The following TBL2 variants were observed in gnomAD, a reference collection of about 807,000 sequenced individuals.
TBL2 encodes transducin beta-like protein 2.
TBL2 carries 33 observed loss-of-function variants against 41.8 expected under a neutral mutation model. The observed-to-expected ratio is 0.79, with a 90% CI of 0.60 to 1.06. The LOEUF is 1.06. Among genes scored for constraint, TBL2 ranks in the 50% least tolerant of loss-of-function variants. TBL2 has a pLI of 0.00. For missense variants in TBL2, 522 were observed against 603.8 expected (o/e 0.86, Z 1.42); for synonymous variants, 239 against 241.7 (o/e 0.99, Z 0.10).
Position 73,567,573 on chromosome 7 carries a change from T to G in TBL2, c.*2934A>C, listed in dbSNP as rs998609290. Among the ~76,000 whole-genome samples the G allele has an allele frequency of 1.8e-4, 27 of 152,090 alleles. No homozygotes were observed. Among genetic ancestry groups the G allele is most frequent in the African/African-American group, 6.5e-4 (27 of 41,398 alleles). On this transcript the variant is annotated 3_prime_UTR_variant, in exon 7 of 7. Transcript: ENST00000305632. ...TCCCCAAATTTTTTTTTTGAAAAAT[T>G]TCACACCCACAGATGTTGAAATTAT...
chr7:73,570,679 CAGG>C lies in TBL2; in HGVS notation c.1169_1171del (p.Ser390del). ...AAACAGCCGCACCGCCCGGTCCCCA[CAGG>C]AGGCCAGAAAGCGGCCAGTGATGTC... On this transcript the variant is annotated inframe_deletion, in exon 7 of 7. Transcript: ENST00000305632. The C allele has an allele frequency of 6.2e-7, 1 of 1,614,030 alleles. No individual in the cohort carries two copies. Among genetic ancestry groups the C allele is most frequent in the East Asian group, 2.2e-5 (1 of 44,888 alleles).
At chr7:73,575,403 G>A (rs1554588746) in intron 1 of TBL2, among the ~76,000 whole-genome samples, 1 of 151,652 alleles carries the variant, frequency 6.6e-6, no homozygotes, top group African/African-American at 2.4e-5. Context: ...CCATTCTCCT[G>A]CCTCAGCCTC....
rs1303035849 is a variant in TBL2, at chr7:73,574,571, C to G, written c.131-58G>C. ...CTCACTGATAAGCATTTACTGCCCACCTATGATGAGCCAGGCATTGAGTGG... is the reference window on the plus strand; with the variant it reads ...CTCACTGATAAGCATTTACTGCCCAGCTATGATGAGCCAGGCATTGAGTGG... On this transcript the variant is annotated intron_variant, in intron 1 of 6. Transcript: ENST00000305632. The G allele has an allele frequency of 3.1e-6, 5 of 1,611,378 alleles. No homozygotes were observed. The African/African-American group carries it at 5.3e-5, about 17-fold the overall frequency.
intron 5 of TBL2, 120 bp from the exon 6 acceptor site, chr7:73,571,461 TAA>T (rs1554587571): frequency 2.1e-6 from 3 of 1,425,482 alleles, no homozygotes; most frequent in Non-Finnish European, 2.8e-6. Context: ...TATAAACCTT[TAA>T]AGAGTTATTT....
At chr7:73,573,038 T>A in intron 4 of TBL2, 68 bp from the exon 5 acceptor site, 1 of 1,602,684 alleles carries the variant, frequency 6.2e-7, no homozygotes, top group Admixed American at 1.7e-5. Context: ...CCAAAGACAC[T>A]TACAAGGCCT....
intron 5 of TBL2, chr7:73,571,763 A>G: frequency 6.8e-6 from 1 of 148,028 alleles, no homozygotes; most frequent in Non-Finnish European, 1.4e-5. Context: ...CTGTCTCAGA[A>G]AAAAAAAAAA....
rs1181742894 is a variant in TBL2 at position 73,568,435 on chromosome 7, T to C, written c.*2072A>G. Among the ~76,000 whole-genome samples the C allele has an allele frequency of 4.6e-5, 7 of 152,134 alleles. No homozygotes were observed. Among genetic ancestry groups the C allele is most frequent in the Admixed American group, 2.0e-4 (3 of 15,270 alleles). On this transcript the variant is annotated 3_prime_UTR_variant, in exon 7 of 7. Coordinates refer to ENST00000305632, the MANE Select transcript of TBL2 (RefSeq NM_012453.4). ...AATTTCTGCTGGATTCCTGAATAAG[T>C]AGCAGCCACCCCCCATCCTGCAGGC...
chr7:73,578,141 G>A, intron 1 of TBL2: 1 of 1,022,446 alleles, frequency 9.8e-7, no homozygotes. Context: ...AAGAGTTTAC[G>A]GTGCTCTCCT....
chr7:73,568,397 G>C lies in TBL2; in HGVS notation c.*2110C>G, dbSNP rs147292859. 6.6e-6 allele frequency among the ~76,000 whole-genome samples: 1 copy of C among 152,262 alleles called. No homozygotes were observed. Among genetic ancestry groups the C allele is most frequent in the East Asian group, 1.9e-4 (1 of 5,172 alleles). On this transcript the variant is annotated 3_prime_UTR_variant, in exon 7 of 7. Coordinates refer to ENST00000305632, the MANE Select transcript of TBL2 (RefSeq NM_012453.4). The stretch of plus-strand genomic sequence containing the variant: ...TAGTTATTTAAGTTGCTCACTTCTA[G>C]CTTCTGTGAAGCAATTTCTGCTGGA...
At chr7:73,571,373 C>A in intron 5 of TBL2, 32 bp from the exon 6 acceptor site, 4 of 1,613,428 alleles carry the variant, frequency 2.5e-6, no homozygotes, top group African/African-American at 2.7e-5. Context: ...TTTAAAACTT[C>A]ATTTTCGGAG....
In TBL2 at chr7:73,571,248, G is replaced by T. The variant is rs782708722; in HGVS notation, c.819C>A (p.Phe273Leu). The change falls in exon 6 of 7, where the codon TTC becomes TTA. Residue 273 changes from phenylalanine (F) to leucine (L), a missense_variant. Transcript: ENST00000305632. ...KGEFQEVVRA[F>L]ELKGHSAAVH... Reference sequence around the variant, plus strand: ...CAGCCGCGGAGTGGCCCTTTAGTTCGAAGGCTCGCACCACCTCCTGGAACT... The same window carrying T: ...CAGCCGCGGAGTGGCCCTTTAGTTCTAAGGCTCGCACCACCTCCTGGAACT... The T allele has an allele frequency of 6.2e-7, 1 of 1,614,212 alleles. No homozygotes were observed. Among genetic ancestry groups the T allele is most frequent in the African/African-American group, 1.3e-5 (1 of 75,068 alleles).
rs150732801 is a variant in TBL2, at chr7:73,573,460, A to G, written c.458T>C (p.Val153Ala). ...GAGGGTGTCCCCGTTGGCCAGCCAGACGATGAAGGCTCTAGAGACAGGCAG... is the reference window on the plus strand; with the variant it reads ...GAGGGTGTCCCCGTTGGCCAGCCAGGCGATGAAGGCTCTAGAGACAGGCAG... ...RFSPDCRAFI[V>A]WLANGDTLRV... The change falls in exon 4 of 7, where the codon GTC becomes GCC. Residue 153 changes from valine (V) to alanine (A), a missense_variant. Transcript: ENST00000305632. 4 of 1,613,838 alleles carry G rather than the reference A, an allele frequency of 2.5e-6. No homozygotes were observed. Among genetic ancestry groups the G allele is most frequent in the Non-Finnish European group, 3.4e-6 (4 of 1,179,990 alleles).
chr7:73,572,187 G>A (rs1554587773), intron 5 of TBL2, among the ~76,000 whole-genome samples: 1 of 152,118 alleles, frequency 6.6e-6, no homozygotes, highest in Non-Finnish European at 1.5e-5. Context: ...AGTGGCTCAC[G>A]CCTGTAATTC....
Position 73,574,132 on chromosome 7 carries a change from G to A in TBL2, c.262-10C>T. 1 of 1,613,438 alleles carries A rather than the reference G, an allele frequency of 6.2e-7. No individual in the cohort carries two copies. Among genetic ancestry groups the A allele is most frequent in the Non-Finnish European group, 8.5e-7 (1 of 1,179,422 alleles). ...TGTTCCCGCTGTGGCTCTAGGGGAA[G>A]GGTGGCAGGAAGTGTCAATAGGAGC... On this transcript the variant is annotated splice_polypyrimidine_tract_variant and intron_variant, in intron 2 of 6. Transcript: ENST00000305632.
chr7:73,575,970 G>A (rs1793285914), intron 1 of TBL2, among the ~76,000 whole-genome samples: 1 of 152,008 alleles, frequency 6.6e-6, no homozygotes, highest in African/African-American at 2.4e-5. Context: ...GAGCCCAGGA[G>A]TTCAAATGCA....
rs1792730483 is a variant in TBL2, at chr7:73,568,403, G to T, written c.*2104C>A. On this transcript the variant is annotated 3_prime_UTR_variant, in exon 7 of 7. Transcript: ENST00000305632. ...TTTAAGTTGCTCACTTCTAGCTTCT[G>T]TGAAGCAATTTCTGCTGGATTCCTG... is the stretch of plus-strand genomic sequence containing the variant. Among the ~76,000 whole-genome samples, 1 of 152,140 alleles carries T rather than the reference G, an allele frequency of 6.6e-6. No individual in the cohort carries two copies. The highest frequency in any genetic ancestry group is 2.4e-5 in the African/African-American group (1 of 41,432).
chr7:73,570,796 C>G lies in TBL2; in HGVS notation c.1055G>C (p.Ser352Thr). The G allele has an allele frequency of 6.2e-7, 1 of 1,614,110 alleles. No homozygotes were observed. The highest frequency in any genetic ancestry group is 8.5e-7 in the Non-Finnish European group (1 of 1,180,044). ...CCGGGTATTGTAGAGATGAATACTACTGCCACTGGCCAAGGCCAAGACCTG... is the reference window on the plus strand; with the variant it reads ...CCGGGTATTGTAGAGATGAATACTAGTGCCACTGGCCAAGGCCAAGACCTG... ...NAQVLALASGSSIHLYNTRRG... is the reference protein window; with the variant it reads ...NAQVLALASGTSIHLYNTRRG... Residue 352 changes from serine to threonine, a missense_variant, in exon 7 of 7, where the codon AGT becomes ACT. Transcript: ENST00000305632.
chr7:73,572,914 C>A lies in TBL2; in HGVS notation c.655G>T (p.Gly219Cys). 2 of 1,614,148 alleles carry A rather than the reference C, an allele frequency of 1.2e-6. No homozygotes were observed. Among genetic ancestry groups the A allele is most frequent in the South Asian group, 1.1e-5 (1 of 91,072 alleles). ...DTTVLIWSLKGQVLSTINTNQ... is the reference protein window; with the variant it reads ...DTTVLIWSLKCQVLSTINTNQ... Reference sequence around the variant, plus strand: ...GTGTTGATGGTAGACAGCACTTGACCCTTCAGGCTCCAGATGAGGACAGTG... The same window carrying A: ...GTGTTGATGGTAGACAGCACTTGACACTTCAGGCTCCAGATGAGGACAGTG... The change falls in exon 5 of 7, where the codon GGT (glycine) becomes TGT (cysteine). Residue 219 changes from glycine to cysteine, a missense_variant. By Grantham distance (159) the Gly-to-Cys change is radical. Transcript: ENST00000305632.
chr7:73,571,550 A>G (rs1792956393), intron 5 of TBL2: 1 of 521,300 alleles, frequency 1.9e-6, no homozygotes, highest in Non-Finnish European at 3.4e-6. Flanking sequence ...TGAGGTCAGG[A>G]GTTCGAGACC....
Sources: gnomAD v4.1 joint callset for allele counts (sites outside exome capture counted in the v4.1 genomes callset) on GRCh38, gnomAD v4.1.1 for gene constraint, MANE v1.5 for transcripts, NCBI Gene and HGNC (gene_info 2026-07-23, HGNC 2026-07-21) for gene names.